The following PEG3 variants were observed in gnomAD, a reference collection of about 807,000 sequenced individuals.
PEG3 encodes paternally-expressed gene 3 protein.
A neutral mutation model predicts 35.5 loss-of-function variants in PEG3; 23 were observed. The ratio of observed to expected loss-of-function variants is 0.65; its 90% CI spans 0.47 to 0.92. PEG3 has a LOEUF of 0.92. Among genes scored for constraint, PEG3 ranks in the 40% least tolerant of loss-of-function variants. The pLI is 0.00. For synonymous variants in PEG3, 707 were observed against 697.0 expected, an observed-to-expected ratio of 1.01 and a Z score of -0.23; for missense variants, 1,960 against 1,985.3, an observed-to-expected ratio of 0.99 and a Z score of 0.24.
At chr19:56,817,903 T>C in intron 8 of PEG3, 68 bp from the exon 9 acceptor site, 2 of 1,282,018 alleles carry the variant, frequency 1.6e-6, no homozygotes, top group Non-Finnish European at 2.2e-6. Flanking sequence ...CACCATAAAT[T>C]GATCTTCATC....
chr19:56,816,277 AC>A lies in PEG3; in HGVS notation c.2164del (p.Val722SerfsTer16). 6.2e-7 allele frequency: 1 copy of A among 1,613,898 alleles called. No homozygotes were observed. Among genetic ancestry groups the A allele is most frequent in the Non-Finnish European group, 8.5e-7 (1 of 1,179,746 alleles). Reference protein sequence around the residue: ...LFEGRGYEKSVIHSGPFTESQ... With the variant: ...LFEGRGYEKSXIHSGPFTESQ... ...TTCAGTGAATGGCCCACTATGAATG[AC>A]AGATTTCTCATACCCTCTGCCTTCA... On this transcript the variant is annotated frameshift_variant, in exon 10 of 10. Transcript: ENST00000326441. LOFTEE classifies it low-confidence loss of function (END_TRUNC).
chr19:56,823,012 C>T (rs995156605), intron 5 of PEG3, among the ~76,000 whole-genome samples, 176 bp from the exon 6 acceptor site: 7 of 152,318 alleles, frequency 4.6e-5, no homozygotes, highest in South Asian at 2.1e-4. Flanking sequence ...ATCATATACC[C>T]GCAACATGGT....
chr19:56,835,244 C>A (rs1381841791), intron 2 of PEG3, among the ~76,000 whole-genome samples: 1 of 152,164 alleles, frequency 6.6e-6, no homozygotes, highest in Admixed American at 6.5e-5. Flanking sequence ...CATGATACTC[C>A]CATGGTTAAA....
At position 56,816,965 on chromosome 19, in the gene PEG3, T is replaced by G. The variant is rs1231298097; in HGVS notation, c.1477A>C (p.Ser493Arg). The G allele has an allele frequency of 6.2e-7, 1 of 1,614,192 alleles. No homozygotes were observed. The highest frequency in any genetic ancestry group is 1.7e-5 in the Admixed American group (1 of 60,016). ...GESFIHSVAV[S>R]EVQKSQVGGK... ...CCAACCTGACTTTTCTGAACTTCAC[T>G]GACAGCCACACTGTGGATAAAGGAC... The change falls in exon 10 of 10, where the codon AGT (serine) becomes CGT (arginine). Residue 493 changes from serine to arginine, a missense_variant. Ser to Arg is a moderately radical substitution (Grantham distance 110). Coordinates refer to ENST00000326441, the MANE Select transcript of PEG3 (RefSeq NM_006210.3).
At chr19:56,820,803 CCT>C (rs767159361) in intron 7 of PEG3, among the ~76,000 whole-genome samples, 1 of 152,218 alleles carries the variant, frequency 6.6e-6, no homozygotes, top group Non-Finnish European at 1.5e-5. Context: ...GGGCAGGGCC[CCT>C]CTCTGTGTTG....
intron 2 of PEG3, among the ~76,000 whole-genome samples, chr19:56,829,385 C>A (rs2061370576): frequency 1.3e-5 from 2 of 150,638 alleles, no homozygotes; most frequent in Admixed American, 6.6e-5. Flanking sequence ...TATGGTTTAA[C>A]CTTTGTATGT....
rs1176325038 is a variant in PEG3 at position 56,817,296 on chromosome 19, A to G, written c.1146T>C (p.Val382=). The G allele has an allele frequency of 6.2e-7, 1 of 1,614,176 alleles. No homozygotes were observed. ...TTCTTTCAAGAACTCTCTTTCTGGA[A>G]ACAAGGGTTGAATTAAACCTAAAGC... ...RGGFRFNSTL[V]SRKRVLERKR... Residue 382 remains valine (V), a synonymous_variant, in exon 10 of 10, where the codon GTT becomes GTC. Coordinates refer to ENST00000326441, the MANE Select transcript of PEG3 (RefSeq NM_006210.3).
intron 2 of PEG3, among the ~76,000 whole-genome samples, chr19:56,827,667 T>G (rs1160204473): frequency 1.3e-5 from 2 of 152,218 alleles, no homozygotes; most frequent in African/African-American, 4.8e-5. Flanking sequence ...TGTAATGACC[T>G]ATGTGCAAGA....
Position 56,816,316 on chromosome 19 carries a change from C to G in PEG3, c.2126G>C (p.Arg709Pro), listed in dbSNP as rs754147449. The change falls in exon 10 of 10, where the codon CGA becomes CCA. Residue 709 changes from arginine (R) to proline (P), a missense_variant. Transcript: ENST00000326441. ...CCCTCTGCCTTCAAAGAGGTTCTTT[C>G]GAGAATGAATTTTCTGATGCTCACT... is the stretch of plus-strand genomic sequence containing the variant. ...ELSEHQKIHS[R>P]KNLFEGRGYE... The G allele has an allele frequency of 1.2e-6, 2 of 1,614,084 alleles. No individual in the cohort carries two copies. The highest frequency in any genetic ancestry group is 2.2e-5 in the South Asian group (2 of 91,080).
At chr19:56,830,609 A>G (rs969293902) in intron 2 of PEG3, among the ~76,000 whole-genome samples, 4 of 152,374 alleles carry the variant, frequency 2.6e-5, no homozygotes, top group East Asian at 1.9e-4. Flanking sequence ...AAGAAAAAGA[A>G]AAGTATAAAT....
intron 2 of PEG3, among the ~76,000 whole-genome samples, chr19:56,832,056 T>G (rs142267050): frequency 2.2e-4 from 34 of 152,346 alleles, no homozygotes; most frequent in African/African-American, 8.2e-4. Flanking sequence ...TAAACTTGTA[T>G]TAAGACTATT....
chr19:56,822,604 A>T, intron 6 of PEG3, 149 bp downstream of exon 6: 4 of 1,087,084 alleles, frequency 3.7e-6, no homozygotes, highest in Non-Finnish European at 5.2e-6. Flanking sequence ...GAACTTCAAA[A>T]ATACGAGCCT....
At chr19:56,834,581 C>T (rs2061891766) in intron 2 of PEG3, among the ~76,000 whole-genome samples, 1 of 152,184 alleles carries the variant, frequency 6.6e-6, no homozygotes, top group African/African-American at 2.4e-5. Flanking sequence ...TATTTCAAGT[C>T]ACATGTCAGT....
intron 2 of PEG3, among the ~76,000 whole-genome samples, chr19:56,829,689 C>A (rs1335363938): frequency 6.6e-6 from 1 of 152,206 alleles, no homozygotes; most frequent in African/African-American, 2.4e-5. Flanking sequence ...AACCCTTAGC[C>A]TTGGATTCAA....
chr19:56,822,778 C>T lies in PEG3; in HGVS notation c.540G>A (p.Trp180Ter), dbSNP rs1448023591. The stretch of plus-strand genomic sequence containing the variant: ...TGCTTCTTGGGTTCCTGGTGTGGGA[C>T]CAGCGGTCTCGTGGCTCCATGTCTC... ...RSRDMEPRDR[W>*]SHTRNPRSRM... The change falls in exon 6 of 10, where the codon TGG (tryptophan) becomes TGA (stop). Residue 180 changes from tryptophan (W) to a stop codon, truncating the protein, a stop_gained. Transcript: ENST00000326441. LOFTEE classifies it high-confidence loss of function. The T allele has an allele frequency of 6.2e-7, 1 of 1,614,150 alleles. No homozygotes were observed. The highest frequency in any genetic ancestry group is 2.2e-5 in the East Asian group (1 of 44,878).
chr19:56,811,149 C>T lies in PEG3; in HGVS notation c.*2526G>A. 1.0e-6 allele frequency: 1 copy of T among 980,552 alleles called. No homozygotes were observed. Among genetic ancestry groups the T allele is most frequent in the Non-Finnish European group, 1.2e-6 (1 of 825,544 alleles). 60.7% of individuals were successfully genotyped at this position (980,552 alleles called of 1,614,324 possible). A position where few individuals can be genotyped will look rare whatever the true frequency, so the allele number is the denominator to read the frequency against. The stretch of plus-strand genomic sequence containing the variant: ...TTTTCCAAGTGTGTGATAATGAGTT[C>T]AAATTATGTTCACAATGAAAATGTG... On this transcript the variant is annotated 3_prime_UTR_variant, in exon 10 of 10. Transcript: ENST00000326441.
In PEG3 at chr19:56,813,470, C is replaced by T; in HGVS notation, c.*205G>A. The T allele has an allele frequency of 1.4e-6, 2 of 1,391,692 alleles. No individual in the cohort carries two copies. Among genetic ancestry groups the T allele is most frequent in the Non-Finnish European group, 9.3e-7 (1 of 1,073,916 alleles). 86.2% of individuals were successfully genotyped at this position (1,391,692 alleles called of 1,614,324 possible). A position where few individuals can be genotyped will look rare whatever the true frequency, so the allele number is the denominator to read the frequency against. Reference sequence around the variant, plus strand: ...GTGCTATGGCTTTCCCACATGCAGACACTGACATCTGAAGGGGAAAGCTTA... The same window carrying T: ...GTGCTATGGCTTTCCCACATGCAGATACTGACATCTGAAGGGGAAAGCTTA... On this transcript the variant is annotated 3_prime_UTR_variant, in exon 10 of 10. Coordinates refer to ENST00000326441, the MANE Select transcript of PEG3 (RefSeq NM_006210.3).
chr19:56,829,404 T>C (rs1247186703), intron 2 of PEG3, among the ~76,000 whole-genome samples: 1 of 150,772 alleles, frequency 6.6e-6, no homozygotes, highest in Non-Finnish European at 1.5e-5. Flanking sequence ...GTACAGCTAA[T>C]TTCTGGTTTG....
At chr19:56,820,923 C>T (rs774657272) in intron 7 of PEG3, among the ~76,000 whole-genome samples, 1 of 152,108 alleles carries the variant, frequency 6.6e-6, no homozygotes, top group African/African-American at 2.4e-5. Context: ...TTCTTTGAGT[C>T]CAGTCAGTGC....
Sources: allele counts gnomAD v4.1 joint callset (sites outside exome capture counted in the v4.1 genomes callset), GRCh38; gene constraint gnomAD v4.1.1; transcripts MANE v1.5; gene names NCBI Gene and HGNC (gene_info 2026-07-23, HGNC 2026-07-21).